The following KLHL1 variants were observed in gnomAD, a reference collection of about 807,000 sequenced individuals.
The protein encoded by KLHL1 is kelch-like protein 1.
In KLHL1, 47 loss-of-function variants were observed where a neutral mutation model predicts 77.7. The ratio of observed to expected loss-of-function variants is 0.60; its 90% CI spans 0.48 to 0.77. The LOEUF (loss-of-function observed/expected upper bound fraction) is 0.77, where lower values mean the gene tolerates loss of function less well. KLHL1 is among the 30% of genes least tolerant of loss of function. The probability of loss-of-function intolerance (pLI) is 0.00; values close to 1 mark genes in which losing one functional copy is unlikely to be tolerated. For synonymous variants in KLHL1, 360 were observed against 325.2 expected, an observed-to-expected ratio of 1.11 and a Z score of -1.15; for missense variants, 925 against 910.8, an observed-to-expected ratio of 1.02 and a Z score of -0.20.
chr13:69,826,615 T>C (rs1878558912), intron 6 of KLHL1, among the ~76,000 whole-genome samples: 1 of 152,100 alleles, frequency 6.6e-6, no homozygotes, highest in Non-Finnish European at 1.5e-5. Flanking sequence ...TGAGAGTAGA[T>C]TTTAGCTGTT....
chr13:70,102,938 C>T (rs1305708712), intron 1 of KLHL1, among the ~76,000 whole-genome samples: 1 of 152,176 alleles, frequency 6.6e-6, no homozygotes, highest in Non-Finnish European at 1.5e-5. Flanking sequence ...GTAAAACAGA[C>T]ATACTCCTCT....
intron 8 of KLHL1, among the ~76,000 whole-genome samples, chr13:69,721,557 C>T (rs957174378): frequency 6.6e-6 from 1 of 151,820 alleles, no homozygotes; most frequent in East Asian, 1.9e-4. Context: ...AGACTTAAAT[C>T]TATAATATTC....
At chr13:69,995,052 A>T (rs959576547) in intron 1 of KLHL1, among the ~76,000 whole-genome samples, 1 of 152,134 alleles carries the variant, frequency 6.6e-6, no homozygotes, top group Non-Finnish European at 1.5e-5. Flanking sequence ...CCAGTAGCCC[A>T]GTTAAGCCAG....
chr13:69,918,868 A>T (rs1398989665), intron 4 of KLHL1, among the ~76,000 whole-genome samples: 1 of 152,168 alleles, frequency 6.6e-6, no homozygotes, highest in Non-Finnish European at 1.5e-5. Context: ...TTTATAAAAC[A>T]CGGGTTGTGT....
At chr13:69,728,961 G>A (rs969564228) in intron 8 of KLHL1, among the ~76,000 whole-genome samples, 5 of 152,052 alleles carry the variant, frequency 3.3e-5, no homozygotes, top group African/African-American at 1.2e-4. Flanking sequence ...CTACTTATAA[G>A]ATGTGTTCAG....
In KLHL1 at chr13:69,982,803, T is replaced by C. The variant is rs534239179; in HGVS notation, c.498-7001A>G. Among the ~76,000 whole-genome samples the C allele has an allele frequency of 1.5e-3, 223 of 152,160 alleles. 1 individual carries two copies. Among genetic ancestry groups the C allele is most frequent in the African/African-American group, 4.8e-3 (198 of 41,568 alleles). The stretch of plus-strand genomic sequence containing the variant: ...AGAAAATACAAAGAGGGTCATTATA[T>C]GATGATAAAGGGGTCAATTCAGCAA... On this transcript the variant is annotated intron_variant, in intron 1 of 10. Coordinates refer to ENST00000377844, the MANE Select transcript of KLHL1 (RefSeq NM_020866.3).
At chr13:69,892,196 A>G (rs549715237) in intron 4 of KLHL1, among the ~76,000 whole-genome samples, 4 of 152,288 alleles carry the variant, frequency 2.6e-5, no homozygotes, top group Non-Finnish European at 5.9e-5. Flanking sequence ...TAGAAAGTTT[A>G]GGAGAAAAGA....
Position 70,108,279 on chromosome 13 carries a change from G to A in KLHL1, c.-580C>T, listed in dbSNP as rs1342480025. On this transcript the variant is annotated 5_prime_UTR_variant, in exon 1 of 11. Transcript: ENST00000377844. ...CTGCGCCCCTGTCCCTGGCCTTTTC[G>A]AGGATGCCCCGATAGCCTGCCGGGT... is the stretch of plus-strand genomic sequence containing the variant. The A allele has an allele frequency of 1.3e-5, 5 of 372,098 alleles. No individual in the cohort carries two copies. Among genetic ancestry groups the A allele is most frequent in the African/African-American group, 6.2e-5 (3 of 48,114 alleles). The allele number at this position is 372,098 out of a possible 1,614,324, so 23.0% of individuals were successfully genotyped here.
At chr13:69,920,545 A>C (rs1055148071) in intron 4 of KLHL1, among the ~76,000 whole-genome samples, 1 of 152,144 alleles carries the variant, frequency 6.6e-6, no homozygotes, top group South Asian at 2.1e-4. Context: ...TAAGAAAACT[A>C]TATTGAGGAG....
chr13:69,919,979 G>A (rs767592821), intron 4 of KLHL1, among the ~76,000 whole-genome samples: 2 of 151,964 alleles, frequency 1.3e-5, no homozygotes, highest in Non-Finnish European at 2.9e-5. Flanking sequence ...TCACTTGCTT[G>A]CTTGTATCAT....
rs965070759 is a variant in KLHL1 at position 69,933,721 on chromosome 13, C to T, written c.1014+6319G>A. Among the ~76,000 whole-genome samples the T allele has an allele frequency of 6.6e-5, 10 of 151,940 alleles. No homozygotes were observed. In the East Asian group the frequency reaches 9.7e-4, roughly 15 times the overall value. On this transcript the variant is annotated intron_variant, in intron 4 of 10. Transcript: ENST00000377844. ...AGCCTTTAATTAGTCTTAGTGCCAC[C>T]GTCTCTGCCTCCAGCCTAAACCTAA...
intron 7 of KLHL1, among the ~76,000 whole-genome samples, chr13:69,746,139 T>C (rs1874205256): frequency 6.6e-6 from 1 of 151,624 alleles, no homozygotes; most frequent in Non-Finnish European, 1.5e-5. Context: ...AAGAAAATAG[T>C]TCTTATGTAT....
In KLHL1 at chr13:70,072,695, G is replaced by T. The variant is rs1374201860; in HGVS notation, c.497+34508C>A. On this transcript the variant is annotated intron_variant, in intron 1 of 10. Transcript: ENST00000377844. ...CATCAACAAACTGAAGAAAAAAAAA[G>T]GGGGATTATATCAATAGATGCAGAA... 2.6e-5 allele frequency among the ~76,000 whole-genome samples: 4 copies of T among 151,960 alleles called. No individual in the cohort carries two copies. The East Asian group carries it at 5.8e-4, about 22-fold the overall frequency.
At position 69,961,340 on chromosome 13, in the gene KLHL1, G is replaced by A. The variant is rs139916031; in HGVS notation, c.785C>T (p.Ala262Val). The A allele has an allele frequency of 5.7e-5, 92 of 1,612,822 alleles. 1 individual carries two copies. The highest frequency in any genetic ancestry group is 3.2e-5 in the Non-Finnish European group (38 of 1,179,252). The change falls in exon 3 of 11, where the codon GCT (alanine) becomes GTT (valine). Residue 262 changes from alanine (A) to valine (V), a missense_variant. Physicochemically the swap from Ala to Val is moderately conservative, Grantham distance 64. Transcript: ENST00000377844. ...EIKMEGIDPN[A>V]LWDLVQFAYT... Reference sequence around the variant, plus strand: ...TGCAAATTGGACAAGGTCCCAGAGAGCATTGGGGTCTATGCCTTCCATTTT... The same window carrying A: ...TGCAAATTGGACAAGGTCCCAGAGAACATTGGGGTCTATGCCTTCCATTTT...
chr13:69,902,953 T>C (rs1566382883), intron 4 of KLHL1, among the ~76,000 whole-genome samples: 2 of 152,236 alleles, frequency 1.3e-5, no homozygotes, highest in East Asian at 1.9e-4. Flanking sequence ...TTCCATTATA[T>C]ATATAATGAA....
intron 6 of KLHL1, among the ~76,000 whole-genome samples, chr13:69,816,030 C>T (rs1457718124): frequency 1.3e-5 from 2 of 151,616 alleles, no homozygotes; most frequent in East Asian, 1.9e-4. Flanking sequence ...AAAAAAAATG[C>T]TAATTACATA....
intron 6 of KLHL1, among the ~76,000 whole-genome samples, chr13:69,819,349 G>T (rs1878247667): frequency 6.6e-6 from 1 of 152,064 alleles, no homozygotes; most frequent in Non-Finnish European, 1.5e-5. Context: ...AACATTAAAA[G>T]ACTGTAATAC....
At chr13:69,858,254 C>A (rs959903758) in intron 5 of KLHL1, among the ~76,000 whole-genome samples, 1 of 152,018 alleles carries the variant, frequency 6.6e-6, no homozygotes, top group Non-Finnish European at 1.5e-5. Flanking sequence ...CAACTGACAC[C>A]CTCTTGGGGA....
chr13:69,939,340 CATATATATATATA>C (rs1883281744), intron 4 of KLHL1, among the ~76,000 whole-genome samples: 1 of 60,846 alleles, frequency 1.6e-5, no homozygotes, highest in African/African-American at 6.8e-5. Context: ...CATATACATA[CATATATATATATA>C]TATATATATA....
Sources: gnomAD v4.1 joint callset for allele counts (sites outside exome capture counted in the v4.1 genomes callset) on GRCh38, gnomAD v4.1.1 for gene constraint, MANE v1.5 for transcripts, NCBI Gene and HGNC (gene_info 2026-07-23, HGNC 2026-07-21) for gene names.